The following TM4SF1 variants were observed in gnomAD, a reference collection of about 807,000 sequenced individuals.
TM4SF1 encodes the protein transmembrane 4 L six family member 1.
In TM4SF1, 20 loss-of-function variants were observed where a neutral mutation model predicts 24.5. The ratio of observed to expected loss-of-function variants is 0.82; its 90% CI spans 0.57 to 1.19. TM4SF1 has a LOEUF of 1.19. Among genes scored for constraint, TM4SF1 ranks in the 50% most tolerant of loss-of-function variants. The pLI, the probability that TM4SF1 is intolerant of heterozygous loss-of-function variation, is 0.00. For missense variants in TM4SF1, 258 were observed against 248.1 expected (o/e 1.04, Z -0.27); for synonymous variants, 107 against 95.4 (o/e 1.12, Z -0.71).
chr3:149,371,406 G>A (rs1214536083), intron 4 of TM4SF1: 21 of 571,038 alleles, frequency 3.7e-5, no homozygotes, highest in East Asian at 2.6e-4. Context: ...GAGAGCAGAG[G>A]CAGTGAATTA....
At chr3:149,375,384 T>A in intron 3 of TM4SF1, 59 bp downstream of exon 3, 1 of 1,583,582 alleles carries the variant, frequency 6.3e-7, no homozygotes, top group Non-Finnish European at 8.6e-7. Flanking sequence ...TTGATAGAGC[T>A]GCCACTATAT....
rs1731927669 is a variant in TM4SF1 at position 149,375,488 on chromosome 3, TCAAG to T, written c.364_367del (p.Leu122IlefsTer59). On this transcript the variant is annotated frameshift_variant, in exon 3 of 5. Coordinates refer to ENST00000305366, the MANE Select transcript of TM4SF1 (RefSeq NM_014220.3). LOFTEE classifies it high-confidence loss of function. ...GGTGTAGTTCCACTGGCCGAGGGAATCAAGACATAGTGGTCCTTCTGCTAAGCCA... is the reference window on the plus strand; with the variant it reads ...GGTGTAGTTCCACTGGCCGAGGGAATACATAGTGGTCCTTCTGCTAAGCCA... The T allele has an allele frequency of 5.0e-6, 8 of 1,614,066 alleles. No homozygotes were observed. The highest frequency in any genetic ancestry group is 1.3e-5 in the African/African-American group (1 of 74,902).
chr3:149,375,980 T>A (rs1348975729), intron 1 of TM4SF1, among the ~76,000 whole-genome samples: 1 of 152,230 alleles, frequency 6.6e-6, no homozygotes, highest in Non-Finnish European at 1.5e-5. Context: ...GTCAAAGCAT[T>A]TTTTAGGGTG....
chr3:149,376,317 A>G (rs1731952038), intron 1 of TM4SF1, among the ~76,000 whole-genome samples: 1 of 152,224 alleles, frequency 6.6e-6, no homozygotes, highest in Non-Finnish European at 1.5e-5. Context: ...GATCGAAAGA[A>G]ACTTAAGTGT....
In TM4SF1 at chr3:149,375,787, A is replaced by T; in HGVS notation, c.178-18T>A. On this transcript the variant is annotated intron_variant, in intron 1 of 4. Coordinates refer to ENST00000305366, the MANE Select transcript of TM4SF1 (RefSeq NM_014220.3). ...AGGAGCATCTGGTTAGGAAACAAAC[A>T]AAGTCAGGTCATTGTCTTGCTCAGG... 1 of 1,613,122 alleles carries T rather than the reference A, an allele frequency of 6.2e-7. No individual in the cohort carries two copies. Among genetic ancestry groups the T allele is most frequent in the Non-Finnish European group, 8.5e-7 (1 of 1,179,114 alleles).
intron 4 of TM4SF1, chr3:149,370,914 T>A (rs1023714551): frequency 6.6e-6 from 1 of 152,198 alleles, no homozygotes; most frequent in Non-Finnish European, 1.5e-5. Context: ...GGATCAAAGC[T>A]GGACTTTCAT....
intron 3 of TM4SF1, 107 bp downstream of exon 3, chr3:149,375,336 G>C: frequency 1.4e-6 from 2 of 1,408,460 alleles, no homozygotes; most frequent in Non-Finnish European, 9.8e-7. Flanking sequence ...ACACTGGCTA[G>C]GTGGGTGGAT....
In TM4SF1 at chr3:149,369,788, TTACAAATGAA is replaced by T; in HGVS notation, c.*68_*77del. 6.3e-7 allele frequency: 1 copy of T among 1,592,310 alleles called. No homozygotes were observed. Among genetic ancestry groups the T allele is most frequent in the South Asian group, 1.1e-5 (1 of 88,466 alleles). ...GAGTATGTTACACTAATACAAAGTT[TTACAAATGAA>T]TACAAGTGAAATATATAAATTACAA... On this transcript the variant is annotated 3_prime_UTR_variant, in exon 5 of 5. Coordinates refer to ENST00000305366, the MANE Select transcript of TM4SF1 (RefSeq NM_014220.3).
intron 3 of TM4SF1, among the ~76,000 whole-genome samples, chr3:149,373,969 G>T (rs6808255): frequency 0.85 from 129,649 of 152,224 alleles, 55,322 homozygotes; most frequent in Admixed American, 0.87. Context: ...CATCCAGTAT[G>T]TTCTGATAAA....
At chr3:149,375,850 T>G in intron 1 of TM4SF1, 81 bp from the exon 2 acceptor site, 1 of 1,293,092 alleles carries the variant, frequency 7.7e-7, no homozygotes, top group Non-Finnish European at 1.1e-6. Context: ...TGGTAAAATA[T>G]ATTTATTTCC....
chr3:149,377,589 CT>C lies in TM4SF1; in HGVS notation c.-43del, dbSNP rs746446169. On this transcript the variant is annotated 5_prime_UTR_variant, in exon 1 of 5. Coordinates refer to ENST00000305366, the MANE Select transcript of TM4SF1 (RefSeq NM_014220.3). The stretch of plus-strand genomic sequence containing the variant: ...TTCTCCCCCTTCTCTTTGTCTTCAG[CT>C]CAGTGATACCCCAAATTAGATGAAA... The C allele has an allele frequency of 1.3e-6, 2 of 1,585,112 alleles. No individual in the cohort carries two copies. Among genetic ancestry groups the C allele is most frequent in the Admixed American group, 1.7e-5 (1 of 57,720 alleles).
At position 149,375,722 on chromosome 3, in the gene TM4SF1, GCAGT is replaced by G. The variant is rs1416468650; in HGVS notation, c.221_224del (p.Asp74AlafsTer41). ...AGTTTTCATGGCCACAGCAGCCACA[GCAGT>G]CATCCTGTTCCAGCCCAATGAAGAC... On this transcript the variant is annotated frameshift_variant, in exon 2 of 5. Transcript: ENST00000305366. LOFTEE classifies it high-confidence loss of function. The G allele has an allele frequency of 5.6e-6, 9 of 1,614,212 alleles. No individual in the cohort carries two copies. In the South Asian group the frequency reaches 9.9e-5, roughly 18 times the overall value.
At position 149,375,516 on chromosome 3, in the gene TM4SF1, C is replaced by A; in HGVS notation, c.340G>T (p.Gly114Cys). Residue 114 changes from glycine (G) to cysteine (C), a missense_variant, in exon 3 of 5, where the codon GGC becomes TGC. Transcript: ENST00000305366. ...AGACATAGTGGTCCTTCTGCTAAGCCAAGGGCTGCCACAATGACACAGTAG... is the reference window on the plus strand; with the variant it reads ...AGACATAGTGGTCCTTCTGCTAAGCAAAGGGCTGCCACAATGACACAGTAG... The part of the protein sequence containing the change: ...SGYCVIVAAL[G>C]LAEGPLCLDS... 1.2e-6 allele frequency: 2 copies of A among 1,614,216 alleles called. No homozygotes were observed.
chr3:149,376,623 T>G (rs1357654990), intron 1 of TM4SF1, among the ~76,000 whole-genome samples: 1 of 152,208 alleles, frequency 6.6e-6, no homozygotes, highest in African/African-American at 2.4e-5. Flanking sequence ...TTAAGAAAAT[T>G]TATCACGTAT....
rs1358763966 is a variant in TM4SF1 at position 149,371,814 on chromosome 3, A to G, written c.467T>C (p.Val156Ala). The change falls in exon 4 of 5, where the codon GTG becomes GCG. Residue 156 changes from valine (V) to alanine (A), a missense_variant. By Grantham distance (64) the Val-to-Ala change is moderately conservative. Coordinates refer to ENST00000305366, the MANE Select transcript of TM4SF1 (RefSeq NM_014220.3). ...AGAAAACAGAGATACATTCCATTCCACAATGTGCTTGGGTTCAGTGCACTC... is the reference window on the plus strand; with the variant it reads ...AGAAAACAGAGATACATTCCATTCCGCAATGTGCTTGGGTTCAGTGCACTC... ...WSECTEPKHI[V>A]EWNVSLFSIL... 1.2e-6 allele frequency: 2 copies of G among 1,614,074 alleles called. No homozygotes were observed. Among genetic ancestry groups the G allele is most frequent in the African/African-American group, 2.7e-5 (2 of 75,002 alleles).
chr3:149,370,250 G>C (rs914358028), intron 4 of TM4SF1: 1 of 184,228 alleles, frequency 5.4e-6, no homozygotes, highest in African/African-American at 2.4e-5. Flanking sequence ...ACCGAGTTAT[G>C]GACCTGACTC....
Position 149,371,862 on chromosome 3 carries a change from A to C in TM4SF1, c.419T>G (p.Leu140Arg). ...CTCGGACCATGTGGAGGTATCCAGA[A>C]GGTACCTGTGGGTAAAAAGAGAAAC... Reference protein sequence around the residue: ...YTFASTEGQYLLDTSTWSECT... With the variant: ...YTFASTEGQYRLDTSTWSECT... The change falls in exon 4 of 5, where the codon CTT becomes CGT. Residue 140 changes from leucine to arginine, a missense_variant. Leu to Arg is a moderately radical substitution (Grantham distance 102, BLOSUM62 -2). Coordinates refer to ENST00000305366, the MANE Select transcript of TM4SF1 (RefSeq NM_014220.3). The C allele has an allele frequency of 6.2e-7, 1 of 1,614,068 alleles. No homozygotes were observed. The highest frequency in any genetic ancestry group is 8.5e-7 in the Non-Finnish European group (1 of 1,179,968).
intron 1 of TM4SF1, 147 bp from the exon 2 acceptor site, chr3:149,375,916 T>C (rs1731941800): frequency 1.4e-6 from 1 of 725,558 alleles, no homozygotes; most frequent in Non-Finnish European, 2.3e-6. Flanking sequence ...AATGTAAACC[T>C]CTGAGGAGAA....
chr3:149,371,753 C>G lies in TM4SF1; in HGVS notation c.528G>C (p.Leu176Phe), dbSNP rs1226353296. Residue 176 changes from leucine to phenylalanine, a missense_variant, in exon 4 of 5, where the codon TTG (leucine) becomes TTC (phenylalanine). Transcript: ENST00000305366. ...LLALGGIEFI[L>F]CLIQVINGVL... ...CTCCATTTATTACTTGAATAAGACA[C>G]AAGATGAATTCAATTCCACCAAGAG... The G allele has an allele frequency of 1.9e-6, 3 of 1,614,076 alleles. No homozygotes were observed. Among genetic ancestry groups the G allele is most frequent in the East Asian group, 4.5e-5 (2 of 44,884 alleles).
Sources: allele counts gnomAD v4.1 joint callset (sites outside exome capture counted in the v4.1 genomes callset), GRCh38; gene constraint gnomAD v4.1.1; transcripts MANE v1.5; gene names NCBI Gene and HGNC (gene_info 2026-07-23, HGNC 2026-07-21).